ELOVL6: variants seen among roughly 807,000 people sequenced by gnomAD.
ELOVL6 encodes very long chain fatty acid elongase 6.
A neutral mutation model predicts 31.7 loss-of-function variants in ELOVL6; 8 were observed. The observed-to-expected ratio is 0.25, with a 90% confidence interval of 0.15 to 0.45. ELOVL6 has a LOEUF of 0.45. Ranked by LOEUF, ELOVL6 falls within the 20% of genes least tolerant of loss-of-function variation. The pLI is 1.00. For missense variants in ELOVL6, 126 were observed against 326.4 expected, an observed-to-expected ratio of 0.39 and a Z score of 4.73; for synonymous variants, 101 against 117.7, an observed-to-expected ratio of 0.86 and a Z score of 0.92.
At chr4:110,128,944 T>C (rs993098201) in intron 1 of ELOVL6, among the ~76,000 whole-genome samples, 1 of 152,160 alleles carries the variant, frequency 6.6e-6, no homozygotes, top group Non-Finnish European at 1.5e-5. Context: ...GATAGATAAG[T>C]AGGTAACTGA....
chr4:110,112,643 G>T (rs1560828009), intron 1 of ELOVL6, among the ~76,000 whole-genome samples: 1 of 149,886 alleles, frequency 6.7e-6, no homozygotes, highest in African/African-American at 2.5e-5. Flanking sequence ...GAGGCTGAGG[G>T]GGGTGGATCA....
intron 2 of ELOVL6, among the ~76,000 whole-genome samples, chr4:110,063,730 C>T (rs1442204976): frequency 6.6e-6 from 1 of 150,884 alleles, no homozygotes; most frequent in African/African-American, 2.5e-5. Flanking sequence ...ATGCCTTTTC[C>T]CAGCTCTATG....
intron 1 of ELOVL6, among the ~76,000 whole-genome samples, chr4:110,154,678 C>A (rs374540785): frequency 6.6e-6 from 1 of 152,134 alleles, no homozygotes; most frequent in Admixed American, 6.6e-5. Context: ...GTCATCAGAC[C>A]CAAACCGAAT....
intron 3 of ELOVL6, among the ~76,000 whole-genome samples, chr4:110,055,800 C>T (rs780160843): frequency 2.0e-5 from 3 of 152,144 alleles, no homozygotes; most frequent in Non-Finnish European, 2.9e-5. Context: ...AAAATCTCAG[C>T]GGGTTTTAAT....
chr4:110,156,554 C>T (rs1318105057), intron 1 of ELOVL6, among the ~76,000 whole-genome samples: 1 of 152,042 alleles, frequency 6.6e-6, no homozygotes. Flanking sequence ...GGCATGGCAC[C>T]AAGCATCTGC....
At chr4:110,071,574 C>A (rs1349556218) in intron 2 of ELOVL6, among the ~76,000 whole-genome samples, 1 of 152,142 alleles carries the variant, frequency 6.6e-6, no homozygotes, top group Non-Finnish European at 1.5e-5. Flanking sequence ...GGGGACAAAG[C>A]TTCAGTTTCA....
At chr4:110,150,390 G>C (rs917699531) in intron 1 of ELOVL6, among the ~76,000 whole-genome samples, 4 of 152,120 alleles carry the variant, frequency 2.6e-5, no homozygotes, top group African/African-American at 9.7e-5. Flanking sequence ...ATCTAGATGT[G>C]TTTGAAATAG....
chr4:110,172,964 T>G (rs914849472), intron 1 of ELOVL6, among the ~76,000 whole-genome samples: 3 of 152,204 alleles, frequency 2.0e-5, no homozygotes, highest in African/African-American at 7.2e-5. Flanking sequence ...AGAGACACAC[T>G]GCATATGCCT....
intron 1 of ELOVL6, among the ~76,000 whole-genome samples, chr4:110,165,800 G>T (rs1028842731): frequency 6.6e-6 from 1 of 152,154 alleles, no homozygotes; most frequent in Admixed American, 6.5e-5. Flanking sequence ...CACCTGCCTT[G>T]CAAAACCAAA....
chr4:110,085,966 G>A lies in ELOVL6; in HGVS notation c.221+19531C>T, dbSNP rs866636443. Among the ~76,000 whole-genome samples, 17 of 152,288 alleles carry A rather than the reference G, an allele frequency of 1.1e-4. No homozygotes were observed. In the Middle Eastern group the frequency reaches 0.01, roughly 91 times the overall value. ...CTCCCAAAGTAATCCCAAGAGTGCT[G>A]AGATTACTGGCTCTAATTTTATAGC... On this transcript the variant is annotated intron_variant, in intron 2 of 3. Coordinates refer to ENST00000302274, the MANE Select transcript of ELOVL6 (RefSeq NM_024090.3).
chr4:110,140,314 C>G (rs948341764), intron 1 of ELOVL6, among the ~76,000 whole-genome samples: 1 of 152,212 alleles, frequency 6.6e-6, no homozygotes, highest in African/African-American at 2.4e-5. Flanking sequence ...ACTTCCTAAA[C>G]TTTGTGCTCA....
At chr4:110,091,898 T>C (rs1043077794) in intron 2 of ELOVL6, among the ~76,000 whole-genome samples, 1 of 152,208 alleles carries the variant, frequency 6.6e-6, no homozygotes, top group African/African-American at 2.4e-5. Context: ...TCATTTTAAT[T>C]ACATAGATTT....
At chr4:110,159,165 G>C (rs1758559294) in intron 1 of ELOVL6, among the ~76,000 whole-genome samples, 1 of 152,010 alleles carries the variant, frequency 6.6e-6, no homozygotes, top group South Asian at 2.1e-4. Context: ...TGTCATGCTG[G>C]AATATTAGAT....
At chr4:110,188,904 A>G (rs1483426310) in intron 1 of ELOVL6, among the ~76,000 whole-genome samples, 1 of 151,938 alleles carries the variant, frequency 6.6e-6, no homozygotes, top group Admixed American at 6.6e-5. Flanking sequence ...AAAAAAAAAA[A>G]AGTAAAACAT....
At position 110,051,777 on chromosome 4, in the gene ELOVL6, G is replaced by C; in HGVS notation, c.374-15C>G. ...TATTGTATCTCCTGGAAGACAAAGA[G>C]GAAGAAGGTACGTGAGATCCTTGAC... On this transcript the variant is annotated splice_polypyrimidine_tract_variant and intron_variant, in intron 3 of 3. Transcript: ENST00000302274. The surrounding 1 kb of genome is among the most constrained non-coding windows in gnomAD (Gnocchi z 4.8). 6.2e-7 allele frequency: 1 copy of C among 1,605,794 alleles called. No homozygotes were observed. The highest frequency in any genetic ancestry group is 8.5e-7 in the Non-Finnish European group (1 of 1,175,876).
At chr4:110,127,415 A>AAAG (rs1188181419) in intron 1 of ELOVL6, among the ~76,000 whole-genome samples, 1 of 150,850 alleles carries the variant, frequency 6.6e-6, no homozygotes, top group Non-Finnish European at 1.5e-5. Flanking sequence ...TCAAAAAAAA[A>AAAG]AAAAAAAAAA....
At chr4:110,109,307 AG>A (rs1242824885) in intron 1 of ELOVL6, among the ~76,000 whole-genome samples, 2 of 152,230 alleles carry the variant, frequency 1.3e-5, no homozygotes, top group African/African-American at 4.8e-5. Context: ...CCATAATTAT[AG>A]GTACTTAATA....
At chr4:110,158,657 A>T (rs58060728) in intron 1 of ELOVL6, among the ~76,000 whole-genome samples, 1,022 of 74,202 alleles carry the variant, frequency 0.014, 39 homozygotes, top group African/African-American at 0.032. Context: ...ATATATATAT[A>T]TTTTTTTTTT....
chr4:110,170,798 A>G (rs1758920127), intron 1 of ELOVL6, among the ~76,000 whole-genome samples: 1 of 152,200 alleles, frequency 6.6e-6, no homozygotes, highest in African/African-American at 2.4e-5. Context: ...GATGTGTGAT[A>G]TTATATATAC....
Sources: allele counts gnomAD v4.1 joint callset (sites outside exome capture counted in the v4.1 genomes callset), GRCh38; gene constraint gnomAD v4.1.1; non-coding constraint Gnocchi (gnomAD v3.1); transcripts MANE v1.5; gene names NCBI Gene and HGNC (gene_info 2026-07-23, HGNC 2026-07-21).